The following PPP2R2B variants were observed in gnomAD, a reference collection of about 807,000 sequenced individuals.
PPP2R2B encodes the protein serine/threonine-protein phosphatase 2A 55 kDa regulatory subunit B beta isoform.
PPP2R2B carries 5 observed loss-of-function variants against 46.0 expected under a neutral mutation model. The ratio of observed to expected loss-of-function variants is 0.11; its 90% CI spans 0.06 to 0.23. The LOEUF is 0.23. Ranked by LOEUF, PPP2R2B falls within the 10% of genes least tolerant of loss-of-function variation. The pLI is 1.00. For missense variants in PPP2R2B, 367 were observed against 575.0 expected, an observed-to-expected ratio of 0.64 and a Z score of 3.70; for synonymous variants, 215 against 206.7, an observed-to-expected ratio of 1.04 and a Z score of -0.34.
chr5:146,999,429 A>G (rs973481890), intron 1 of PPP2R2B, among the ~76,000 whole-genome samples: 1 of 152,146 alleles, frequency 6.6e-6, no homozygotes, highest in African/African-American at 2.4e-5. Flanking sequence ...TCCACTTTGG[A>G]GTTAAAAAAC....
chr5:146,897,924 T>C (rs926959149), intron 1 of PPP2R2B, among the ~76,000 whole-genome samples: 1 of 152,216 alleles, frequency 6.6e-6, no homozygotes, highest in Non-Finnish European at 1.5e-5. Flanking sequence ...GCGCAGTGGC[T>C]CACGCCTGTA....
chr5:146,895,693 C>T (rs1012979335), intron 1 of PPP2R2B, among the ~76,000 whole-genome samples: 1 of 152,150 alleles, frequency 6.6e-6, no homozygotes, highest in African/African-American at 2.4e-5. Flanking sequence ...TTTGTTCCTA[C>T]AAATTTAGTA....
intron 5 of PPP2R2B, among the ~76,000 whole-genome samples, chr5:146,663,869 A>C (rs997647906): frequency 1.4e-4 from 22 of 151,998 alleles, no homozygotes; most frequent in African/African-American, 5.3e-4. Flanking sequence ...TTGAGATGGA[A>C]TCTTGCTCTG....
At position 146,847,222 on chromosome 5, in the gene PPP2R2B, C is replaced by T. The variant is rs183441772; in HGVS notation, c.70+30780G>A. On this transcript the variant is annotated intron_variant, in intron 2 of 9. Coordinates refer to ENST00000394411, the MANE Select transcript of PPP2R2B (RefSeq NM_181675.4). Reference sequence around the variant, plus strand: ...AAAAGTCTTACATGCTGCCTTCTTGCTTGACCTGCCTGTAGTTGTCCACTA... The same window carrying T: ...AAAAGTCTTACATGCTGCCTTCTTGTTTGACCTGCCTGTAGTTGTCCACTA... Among the ~76,000 whole-genome samples, 7 of 152,290 alleles carry T rather than the reference C, an allele frequency of 4.6e-5. No individual in the cohort carries two copies. The East Asian group carries it at 1.4e-3, about 29-fold the overall frequency.
intron 5 of PPP2R2B, among the ~76,000 whole-genome samples, chr5:146,671,336 T>A (rs1320126728): frequency 6.6e-6 from 1 of 152,206 alleles, no homozygotes; most frequent in Non-Finnish European, 1.5e-5. Flanking sequence ...GGTTGTCCAG[T>A]GTTATTTCAC....
chr5:146,996,202 G>C (rs1438243625), intron 1 of PPP2R2B, among the ~76,000 whole-genome samples: 1 of 152,124 alleles, frequency 6.6e-6, no homozygotes. Context: ...CAGGTCATCA[G>C]AGAGGAAAAA....
chr5:147,020,110 GCATCA>G (rs1458481582), intron 1 of PPP2R2B, among the ~76,000 whole-genome samples: 1 of 152,016 alleles, frequency 6.6e-6, no homozygotes, highest in Non-Finnish European at 1.5e-5. Flanking sequence ...TGTTAGAGTT[GCATCA>G]CTTTCTATAG....
chr5:146,816,065 C>G (rs904499146), intron 2 of PPP2R2B, among the ~76,000 whole-genome samples: 1 of 152,146 alleles, frequency 6.6e-6, no homozygotes, highest in East Asian at 1.9e-4. Context: ...ACTATCTTGA[C>G]CACTCCACTA....
chr5:146,711,233 C>CT (rs113531608), intron 2 of PPP2R2B, among the ~76,000 whole-genome samples: 30,681 of 151,690 alleles, frequency 0.2, 3,259 homozygotes, highest in East Asian at 0.41. Flanking sequence ...GCTTCTCAAT[C>CT]TTTTTTTTTC....
chr5:146,668,659 G>A (rs1327332743), intron 5 of PPP2R2B, among the ~76,000 whole-genome samples: 1 of 152,124 alleles, frequency 6.6e-6, no homozygotes, highest in East Asian at 1.9e-4. Context: ...TCTTTTTTCT[G>A]CAACTTTACT....
At chr5:146,910,758 T>C (rs1417417071) in intron 1 of PPP2R2B, among the ~76,000 whole-genome samples, 1 of 152,214 alleles carries the variant, frequency 6.6e-6, no homozygotes, top group East Asian at 1.9e-4. Context: ...TTTCTTACTT[T>C]TTTAAGAAAA....
intron 2 of PPP2R2B, chr5:146,856,537 C>T: frequency 6.2e-7 from 1 of 1,612,460 alleles, no homozygotes; most frequent in Non-Finnish European, 8.5e-7. Flanking sequence ...ATAATTCATG[C>T]TTCATTATTG....
intron 1 of PPP2R2B, among the ~76,000 whole-genome samples, chr5:147,033,768 A>G (rs1755904960): frequency 6.6e-6 from 1 of 152,130 alleles, no homozygotes; most frequent in Non-Finnish European, 1.5e-5. Context: ...CTGCCTCCAA[A>G]ATAATTGATC....
intron 1 of PPP2R2B, among the ~76,000 whole-genome samples, chr5:146,939,397 G>A (rs71594546): frequency 0.026 from 4,027 of 152,280 alleles, 94 homozygotes; most frequent in South Asian, 0.042. Flanking sequence ...AAGGTCCTGC[G>A]AGTGGGAAAG....
intron 2 of PPP2R2B, among the ~76,000 whole-genome samples, chr5:146,808,336 T>C (rs1041115988): frequency 6.6e-6 from 1 of 152,232 alleles, no homozygotes; most frequent in Non-Finnish European, 1.5e-5. Context: ...AGATATAGAA[T>C]ATTTCCATCG....
At chr5:146,784,136 A>G (rs191608762) in intron 2 of PPP2R2B, among the ~76,000 whole-genome samples, 173 of 152,280 alleles carry the variant, frequency 1.1e-3, no homozygotes, top group Admixed American at 3.7e-3. Context: ...AATAACATTG[A>G]ATGTTTCAGC....
intron 6 of PPP2R2B, among the ~76,000 whole-genome samples, chr5:146,641,188 C>A (rs1220879324): frequency 6.6e-6 from 1 of 152,144 alleles, no homozygotes; most frequent in Non-Finnish European, 1.5e-5. Context: ...GGATTATTAA[C>A]AGGTCCATTT....
intron 1 of PPP2R2B, among the ~76,000 whole-genome samples, chr5:146,989,036 A>G (rs1753562345): frequency 1.3e-5 from 2 of 152,058 alleles, no homozygotes; most frequent in Non-Finnish European, 1.5e-5. Flanking sequence ...TGTACAACTT[A>G]CCAAAATTGG....
chr5:146,619,307 A>G (rs955511924), intron 7 of PPP2R2B, among the ~76,000 whole-genome samples: 2 of 151,688 alleles, frequency 1.3e-5, no homozygotes, highest in Non-Finnish European at 2.9e-5. Context: ...TCTACTAAAA[A>G]AAAAAAAAAA....
Sources: gnomAD v4.1 joint callset for allele counts (sites outside exome capture counted in the v4.1 genomes callset) on GRCh38, gnomAD v4.1.1 for gene constraint, MANE v1.5 for transcripts, NCBI Gene and HGNC (gene_info 2026-07-23, HGNC 2026-07-21) for gene names.